The following CNKSR2 variants were observed in gnomAD, a reference collection of about 807,000 sequenced individuals.
CNKSR2 encodes connector enhancer of kinase suppressor of Ras 2, also known as CNK homolog protein 2.
In CNKSR2, 14 loss-of-function variants were observed where a neutral mutation model predicts 84.4. The observed-to-expected ratio is 0.17, with a 90% CI of 0.11 to 0.26. The LOEUF is 0.26. Ranked by LOEUF, CNKSR2 falls within the 10% of genes least tolerant of loss-of-function variation. The pLI is 1.00. For synonymous variants in CNKSR2, 275 were observed against 277.9 expected, an observed-to-expected ratio of 0.99 and a Z score of 0.10; for missense variants, 485 against 771.2, an observed-to-expected ratio of 0.63 and a Z score of 4.40.
chrX:21,551,628 T>C (rs1461293525), intron 11 of CNKSR2, among the ~76,000 whole-genome samples: 1 of 111,925 alleles, frequency 8.9e-6, no homozygotes, highest in Non-Finnish European at 1.9e-5. Context: ...CATTTGGTAA[T>C]TTCCGGGGAC....
At chrX:21,575,823 G>A (rs917341758) in intron 13 of CNKSR2, among the ~76,000 whole-genome samples, 6 of 112,113 alleles carry the variant, frequency 5.4e-5, no homozygotes, top group Non-Finnish European at 7.5e-5. Flanking sequence ...GGCAGAAACC[G>A]TGAAAAAAGT....
chrX:21,449,076 G>A (rs1451151000), intron 4 of CNKSR2, among the ~76,000 whole-genome samples: 2 of 110,976 alleles, frequency 1.8e-5, no homozygotes, highest in Admixed American at 1.9e-4. Flanking sequence ...AGGCCAGGGC[G>A]GGCAGATCAC....
chrX:21,569,835 A>G (rs1406712364), intron 13 of CNKSR2, among the ~76,000 whole-genome samples: 2 of 112,362 alleles, frequency 1.8e-5, no homozygotes, highest in South Asian at 3.7e-4. Flanking sequence ...TACATCTCCA[A>G]CAGAGCTCTT....
chrX:21,410,499 G>C (rs2090328913), intron 1 of CNKSR2, among the ~76,000 whole-genome samples: 1 of 110,900 alleles, frequency 9.0e-6, no homozygotes, highest in South Asian at 3.7e-4. Context: ...GTTACAAATT[G>C]ATTCTGATAT....
At chrX:21,507,127 C>T (rs1401956957) in intron 8 of CNKSR2, among the ~76,000 whole-genome samples, 1 of 110,178 alleles carries the variant, frequency 9.1e-6, no homozygotes, top group East Asian at 2.8e-4. Flanking sequence ...GAAAGGGAAA[C>T]GCTAAAGAAC....
intron 11 of CNKSR2, among the ~76,000 whole-genome samples, chrX:21,558,764 G>T (rs2092161383): frequency 9.0e-6 from 1 of 110,640 alleles, no homozygotes; most frequent in Non-Finnish European, 1.9e-5. Context: ...TTGTTTTTGT[G>T]CACATATGTT....
chrX:21,479,180 G>T (rs749402752), intron 5 of CNKSR2, among the ~76,000 whole-genome samples: 1 of 111,411 alleles, frequency 9.0e-6, no homozygotes, highest in South Asian at 3.8e-4. Context: ...TTCTGTTTCT[G>T]AGTTATTTCA....
At chrX:21,421,262 G>A (rs1029871360) in intron 1 of CNKSR2, among the ~76,000 whole-genome samples, 4 of 108,753 alleles carry the variant, frequency 3.7e-5, no homozygotes, top group African/African-American at 1.4e-4. Context: ...GCTTCAGGAA[G>A]GTGTGGCATC....
chrX:21,536,116 A>G (rs144362982), intron 11 of CNKSR2, among the ~76,000 whole-genome samples: 2,206 of 111,115 alleles, frequency 0.02, 18 homozygotes, highest in Non-Finnish European at 0.029. Context: ...TATCTATTGA[A>G]ATGTTTATAT....
intron 20 of CNKSR2, among the ~76,000 whole-genome samples, chrX:21,631,246 G>C (rs967240404): frequency 2.7e-5 from 3 of 110,699 alleles, no homozygotes; most frequent in Admixed American, 9.6e-5. Flanking sequence ...TTGAGGATGG[G>C]AGGTTGAGCC....
At chrX:21,505,648 A>G (rs1009424696) in intron 8 of CNKSR2, 1 of 110,824 alleles carries the variant, frequency 9.0e-6, no homozygotes, top group Non-Finnish European at 1.9e-5. Context: ...CTCTGTCCTC[A>G]CTCTCTTGTT....
rs189949454 is a variant in CNKSR2 at position 21,464,687 on chromosome X, C to A, written c.520-6079C>A. On this transcript the variant is annotated intron_variant, in intron 4 of 21. Transcript: ENST00000379510. ...GACAAGAACATTTCATCTCTACAGA[C>A]CCCTCAACCCTCACTCACAACTCAC... Among the ~76,000 whole-genome samples the A allele has an allele frequency of 9.0e-5, 10 of 111,173 alleles. No individual in the cohort carries two copies. In the East Asian group the frequency reaches 2.0e-3, roughly 22 times the overall value.
At chrX:21,379,559 A>G (rs952108546) in intron 1 of CNKSR2, among the ~76,000 whole-genome samples, 2 of 112,495 alleles carry the variant, frequency 1.8e-5, no homozygotes, top group African/African-American at 3.2e-5. Flanking sequence ...TAGTGTTATT[A>G]ACATTTGCTC....
Position 21,422,763 on chromosome X carries a change from G to A in CNKSR2, c.65-3734G>A, listed in dbSNP as rs531463667. Among the ~76,000 whole-genome samples, 10 of 110,906 alleles carry A rather than the reference G, an allele frequency of 9.0e-5. 1 individual carries two copies. The South Asian group carries it at 3.5e-3, about 39-fold the overall frequency. On this transcript the variant is annotated intron_variant, in intron 1 of 21. Coordinates refer to ENST00000379510, the MANE Select transcript of CNKSR2 (RefSeq NM_014927.5). ...GTCAAAAATGGATGGGCATGTTTGAGGTGATGGATATTCCAATTACCCTGT... is the reference window on the plus strand; with the variant it reads ...GTCAAAAATGGATGGGCATGTTTGAAGTGATGGATATTCCAATTACCCTGT...
intron 10 of CNKSR2, among the ~76,000 whole-genome samples, chrX:21,528,149 T>C (rs1010220296): frequency 2.7e-5 from 3 of 111,139 alleles, no homozygotes; most frequent in Admixed American, 9.6e-5. Flanking sequence ...TAATTTACAG[T>C]CTTGTGTTCA....
rs35121671 is a variant in CNKSR2 at position 21,553,265 on chromosome X, T to G, written c.1304-8206T>G. On this transcript the variant is annotated intron_variant, in intron 11 of 21. Coordinates refer to ENST00000379510, the MANE Select transcript of CNKSR2 (RefSeq NM_014927.5). ...ATGATACATCACTGAGGCAATTTGA[T>G]GTAGTGAAAAGAGGTCTGGGATAGG... Among the ~76,000 whole-genome samples the G allele has an allele frequency of 4.1e-3, 453 of 111,670 alleles. 3 individuals carry two copies. The highest frequency in any genetic ancestry group is 7.3e-3 in the Non-Finnish European group (387 of 52,950).
intron 20 of CNKSR2, among the ~76,000 whole-genome samples, chrX:21,628,798 G>GT (rs2092635485): frequency 8.9e-6 from 1 of 111,883 alleles, no homozygotes; most frequent in African/African-American, 3.3e-5. Flanking sequence ...TGCTGCAAAG[G>GT]TCTCTGACAT....
chrX:21,531,434 C>G (rs929326090), intron 10 of CNKSR2, among the ~76,000 whole-genome samples: 1 of 110,915 alleles, frequency 9.0e-6, no homozygotes, highest in Non-Finnish European at 1.9e-5. Context: ...ACCATTATAC[C>G]TACTGTCTTA....
chrX:21,438,821 A>T (rs1488145753), intron 3 of CNKSR2, among the ~76,000 whole-genome samples: 1 of 111,642 alleles, frequency 9.0e-6, no homozygotes, highest in Non-Finnish European at 1.9e-5. Flanking sequence ...GTGAATATTC[A>T]TATTGATAAA....
Sources: gnomAD v4.1 joint callset for allele counts (sites outside exome capture counted in the v4.1 genomes callset) on GRCh38, gnomAD v4.1.1 for gene constraint, MANE v1.5 for transcripts, NCBI Gene and HGNC (gene_info 2026-07-23, HGNC 2026-07-21) for gene names.